Variants in MBD5 observed in about 807,000 individuals in gnomAD.
The protein encoded by MBD5 is methyl-CpG binding domain protein 5, also known as methyl-CpG-binding domain protein 5.
MBD5 carries 13 observed loss-of-function variants against 117.3 expected under a neutral mutation model. The observed-to-expected ratio is 0.11, with a 90% CI of 0.07 to 0.18. MBD5 has a LOEUF of 0.18. MBD5 is among the 10% of genes least tolerant of loss of function. MBD5 has a pLI of 1.00. For synonymous variants in MBD5, 727 were observed against 766.4 expected (o/e 0.95, Z 0.85); for missense variants, 1,879 against 2,093.8 (o/e 0.90, Z 2.00).
chr2:148,334,855 G>A (rs546354616), intron 3 of MBD5, among the ~76,000 whole-genome samples: 2 of 152,236 alleles, frequency 1.3e-5, no homozygotes, highest in South Asian at 4.1e-4. Context: ...GTGGGAAATT[G>A]TATATCCAAC....
At position 148,489,785 on chromosome 2, in the gene MBD5, G is replaced by A. The variant is rs1359861488; in HGVS notation, c.4153G>A (p.Val1385Ile). ...AVIHGRNMGG[V>I]DHDGRLRNSR... ...CATTCATGGACGGAACATGGGAGGT[G>A]TTGATCATGATGGTAGGCTGAGGAA... Residue 1385 changes from valine (V) to isoleucine (I), a missense_variant, in exon 11 of 14, where the codon GTT (valine) becomes ATT (isoleucine). Val to Ile is a conservative substitution (Grantham distance 29). Transcript: ENST00000642680. 1 of 1,614,162 alleles carries A rather than the reference G, an allele frequency of 6.2e-7. No individual in the cohort carries two copies. Among genetic ancestry groups the A allele is most frequent in the East Asian group, 2.2e-5 (1 of 44,888 alleles).
chr2:148,239,604 T>C (rs554601319), intron 3 of MBD5, among the ~76,000 whole-genome samples: 7 of 152,114 alleles, frequency 4.6e-5, no homozygotes, highest in African/African-American at 7.2e-5. Flanking sequence ...CGTTTATTGA[T>C]AATGTTTATG....
chr2:148,228,901 G>T (rs1699909126), intron 2 of MBD5, among the ~76,000 whole-genome samples: 1 of 152,158 alleles, frequency 6.6e-6, no homozygotes, highest in South Asian at 2.1e-4. Flanking sequence ...TTGCATAGAG[G>T]TGTTTATAGT....
At chr2:148,169,343 G>T (rs551828076) in intron 1 of MBD5, among the ~76,000 whole-genome samples, 1 of 152,280 alleles carries the variant, frequency 6.6e-6, no homozygotes, top group Admixed American at 6.5e-5. Flanking sequence ...TGGATGAGCT[G>T]CCAGCTCATT....
chr2:148,136,059 C>T (rs1697164515), intron 1 of MBD5, among the ~76,000 whole-genome samples: 2 of 152,104 alleles, frequency 1.3e-5, no homozygotes, highest in African/African-American at 2.4e-5. Flanking sequence ...ACTATCTAAT[C>T]ATCAGTCTAG....
intron 1 of MBD5, among the ~76,000 whole-genome samples, chr2:148,044,083 T>C (rs12995413): frequency 0.37 from 55,599 of 152,092 alleles, 10,380 homozygotes; most frequent in East Asian, 0.52. Context: ...AGAGTCATCT[T>C]TATATCTGAA....
At chr2:148,203,574 A>G (rs1699198212) in intron 2 of MBD5, among the ~76,000 whole-genome samples, 2 of 152,180 alleles carry the variant, frequency 1.3e-5, no homozygotes, top group Admixed American at 1.3e-4. Flanking sequence ...GTGCGTGTGC[A>G]TTAGGAAGGA....
intron 1 of MBD5, chr2:148,027,374 T>A (rs1355453061): frequency 6.6e-6 from 1 of 152,168 alleles, no homozygotes; most frequent in East Asian, 1.9e-4. Context: ...CTTTGGGTAG[T>A]TGAGTTTTAC....
At position 148,338,944 on chromosome 2, in the gene MBD5, A is replaced by G. The variant is rs192300780; in HGVS notation, c.-679-3270A>G. 2.4e-4 allele frequency among the ~76,000 whole-genome samples: 37 copies of G among 152,290 alleles called. No homozygotes were observed. The East Asian group carries it at 5.6e-3, about 23-fold the overall frequency. On this transcript the variant is annotated intron_variant, in intron 3 of 13. Transcript: ENST00000642680. ...AAATTTGGGCTGACCAAACCTTGCC[A>G]ATGGGCTGGATTCCGTAGACAGGAC...
At chr2:148,113,102 C>G (rs547692524) in intron 1 of MBD5, among the ~76,000 whole-genome samples, 41 of 152,298 alleles carry the variant, frequency 2.7e-4, no homozygotes, top group Admixed American at 1.5e-3. Flanking sequence ...CCATGCCCCT[C>G]ATTATTATGT....
intron 10 of MBD5, 131 bp downstream of exon 10, chr2:148,486,081 A>C (rs576862190): frequency 1.9e-5 from 16 of 837,898 alleles, no homozygotes; most frequent in Non-Finnish European, 3.2e-5. Context: ...TTTCTCAGTC[A>C]TGAGTATTGT....
Position 148,458,386 on chromosome 2 carries a change from T to C in MBD5, c.-373T>C. 2 of 515,324 alleles carry C rather than the reference T, an allele frequency of 3.9e-6. No homozygotes were observed. The highest frequency in any genetic ancestry group is 3.4e-5 in the Admixed American group (1 of 29,114). 31.9% of individuals were successfully genotyped at this position (515,324 alleles called of 1,614,324 possible). ...AGTTTCTAAACAATAGAGATTGTCT[T>C]AGTACAACATCAAGGTTCAAGACAA... On this transcript the variant is annotated 5_prime_UTR_variant, in exon 5 of 14. Coordinates refer to ENST00000642680, the MANE Select transcript of MBD5 (RefSeq NM_001378120.1).
At chr2:148,411,385 G>A (rs1705244018) in intron 4 of MBD5, among the ~76,000 whole-genome samples, 1 of 152,070 alleles carries the variant, frequency 6.6e-6, no homozygotes, top group Non-Finnish European at 1.5e-5. Context: ...ACTGGGTCGA[G>A]TGACAATTCT....
At chr2:148,079,260 C>T (rs1429863575) in intron 1 of MBD5, among the ~76,000 whole-genome samples, 1 of 152,168 alleles carries the variant, frequency 6.6e-6, no homozygotes, top group Non-Finnish European at 1.5e-5. Context: ...TTCAAAATGA[C>T]TGACTTTGTG....
chr2:148,196,529 A>G (rs1698993539), intron 2 of MBD5, among the ~76,000 whole-genome samples: 2 of 152,202 alleles, frequency 1.3e-5, no homozygotes, highest in South Asian at 4.1e-4. Context: ...GTTACTCAGA[A>G]TTGTGTTTAC....
At chr2:148,295,243 C>A (rs960473163) in intron 3 of MBD5, among the ~76,000 whole-genome samples, 2 of 152,074 alleles carry the variant, frequency 1.3e-5, no homozygotes, top group African/African-American at 4.8e-5. Flanking sequence ...ATTCTTTTTT[C>A]TCTGTGCTTT....
intron 2 of MBD5, among the ~76,000 whole-genome samples, chr2:148,222,917 A>G (rs538342051): frequency 1.3e-5 from 2 of 152,106 alleles, no homozygotes; most frequent in East Asian, 3.9e-4. Flanking sequence ...TCTGTCATCT[A>G]TGGTTTTTCT....
chr2:148,324,434 G>A (rs1266564019), intron 3 of MBD5, among the ~76,000 whole-genome samples: 1 of 152,148 alleles, frequency 6.6e-6, no homozygotes, highest in Non-Finnish European at 1.5e-5. Flanking sequence ...GGGCAGTATG[G>A]CCATTTTCAC....
intron 1 of MBD5, among the ~76,000 whole-genome samples, chr2:148,069,916 T>G (rs1695306195): frequency 6.6e-6 from 1 of 152,198 alleles, no homozygotes; most frequent in Non-Finnish European, 1.5e-5. Flanking sequence ...GCCATCATCT[T>G]GAGTAGTTAT....
Sources: allele counts gnomAD v4.1 joint callset (sites outside exome capture counted in the v4.1 genomes callset), GRCh38; gene constraint gnomAD v4.1.1; transcripts MANE v1.5; gene names NCBI Gene and HGNC (gene_info 2026-07-23, HGNC 2026-07-21).